DLGAP2: variants seen among roughly 807,000 people sequenced by gnomAD.
DLGAP2 encodes disks large-associated protein 2.
A neutral mutation model predicts 100.3 loss-of-function variants in DLGAP2; 26 were observed. That is an observed-to-expected ratio of 0.26 (90% CI 0.19 to 0.36). DLGAP2 has a LOEUF of 0.36. Among genes scored for constraint, DLGAP2 ranks in the 10% least tolerant of loss-of-function variants. DLGAP2 has a pLI of 1.00. For synonymous variants in DLGAP2, 886 were observed against 630.1 expected, an observed-to-expected ratio of 1.41 and a Z score of -6.08; for missense variants, 1,858 against 1,453.2, an observed-to-expected ratio of 1.28 and a Z score of -4.53.
chr8:1,566,378 A>G (rs1256337194), intron 6 of DLGAP2, among the ~76,000 whole-genome samples: 1 of 152,236 alleles, frequency 6.6e-6, no homozygotes, highest in African/African-American at 2.4e-5. Flanking sequence ...TACACTTTAC[A>G]TATTTGCCCA....
intron 3 of DLGAP2, among the ~76,000 whole-genome samples, chr8:1,271,214 C>G (rs919765134): frequency 3.3e-5 from 5 of 152,186 alleles, no homozygotes; most frequent in Admixed American, 6.5e-5. Context: ...AGATTAGTGC[C>G]AAACAGGCCT....
chr8:772,490 T>A (rs1045699124), intron 1 of DLGAP2, among the ~76,000 whole-genome samples: 1 of 151,830 alleles, frequency 6.6e-6, no homozygotes, highest in African/African-American at 2.4e-5. Flanking sequence ...GTCTGGCTAA[T>A]TTTTGTATTT....
chr8:1,210,997 C>A (rs1798092514), intron 2 of DLGAP2, among the ~76,000 whole-genome samples: 1 of 152,238 alleles, frequency 6.6e-6, no homozygotes, highest in Non-Finnish European at 1.5e-5. Flanking sequence ...CTGCGGCTGT[C>A]TTTAAAGGAC....
intron 2 of DLGAP2, among the ~76,000 whole-genome samples, chr8:1,057,214 A>T (rs2600518): frequency 0.42 from 64,057 of 152,144 alleles, 13,961 homozygotes; most frequent in African/African-American, 0.52. Flanking sequence ...TACTACACGT[A>T]GAAGTTAGCT....
rs573589262 is a variant in DLGAP2, at chr8:1,601,535, C to A, written c.1443-25205C>A. Among the ~76,000 whole-genome samples, 14 of 152,348 alleles carry A rather than the reference C, an allele frequency of 9.2e-5. No homozygotes were observed. In the East Asian group the frequency reaches 2.3e-3, roughly 25 times the overall value. On this transcript the variant is annotated intron_variant, in intron 6 of 14. Transcript: ENST00000637795. Reference sequence around the variant, plus strand: ...TGGGAGTTTTATCTATAAGCCCTGACTGGGGCTGCTGCCTTTCTTTCAGAG... The same window carrying A: ...TGGGAGTTTTATCTATAAGCCCTGAATGGGGCTGCTGCCTTTCTTTCAGAG...
chr8:1,079,991 C>T (rs1170688609), intron 2 of DLGAP2, among the ~76,000 whole-genome samples: 3 of 152,178 alleles, frequency 2.0e-5, no homozygotes, highest in Non-Finnish European at 2.9e-5. Context: ...TGTTATTCTG[C>T]TTCTAGAGAT....
At chr8:967,999 C>A (rs1357015730) in intron 2 of DLGAP2, among the ~76,000 whole-genome samples, 1 of 150,706 alleles carries the variant, frequency 6.6e-6, no homozygotes, top group Non-Finnish European at 1.5e-5. Flanking sequence ...TCTCCTGATA[C>A]ACAAATGCAC....
chr8:1,465,096 A>C (rs1798587419), intron 3 of DLGAP2, among the ~76,000 whole-genome samples: 1 of 152,120 alleles, frequency 6.6e-6, no homozygotes. Context: ...CAGCACATTC[A>C]CCTGGCGGGA....
At chr8:886,855 G>A (rs188846859) in intron 1 of DLGAP2, among the ~76,000 whole-genome samples, 22 of 152,350 alleles carry the variant, frequency 1.4e-4, no homozygotes, top group Non-Finnish European at 2.4e-4. Context: ...TTGATTGGGG[G>A]TAGAGAGTTC....
intron 2 of DLGAP2, among the ~76,000 whole-genome samples, chr8:1,199,626 T>C (rs1442942788): frequency 1.3e-5 from 2 of 152,098 alleles, no homozygotes; most frequent in Non-Finnish European, 2.9e-5. Context: ...GCCAGCCAGA[T>C]GGGCGCTAGA....
At chr8:1,029,882 C>G (rs1247341676) in intron 2 of DLGAP2, among the ~76,000 whole-genome samples, 1 of 152,080 alleles carries the variant, frequency 6.6e-6, no homozygotes, top group Non-Finnish European at 1.5e-5. Flanking sequence ...TCAATCTTGA[C>G]AGAAAGACTC....
At chr8:1,158,074 C>T (rs1796824883) in intron 2 of DLGAP2, among the ~76,000 whole-genome samples, 1 of 152,202 alleles carries the variant, frequency 6.6e-6, no homozygotes, top group Non-Finnish European at 1.5e-5. Context: ...GCACAGCTGC[C>T]CCTTGCAGGT....
At chr8:1,325,665 G>A (rs752469183) in intron 3 of DLGAP2, among the ~76,000 whole-genome samples, 2 of 152,216 alleles carry the variant, frequency 1.3e-5, no homozygotes, top group Non-Finnish European at 2.9e-5. Context: ...AGCAGTGATT[G>A]GCGGGGTTCT....
intron 2 of DLGAP2, among the ~76,000 whole-genome samples, chr8:1,027,172 A>C (rs1801823964): frequency 2.0e-5 from 3 of 152,270 alleles, no homozygotes; most frequent in Admixed American, 1.3e-4. Flanking sequence ...GAAGTTCATT[A>C]TATTTCACAG....
chr8:859,356 T>C (rs1020155348), intron 1 of DLGAP2, among the ~76,000 whole-genome samples: 1 of 152,174 alleles, frequency 6.6e-6, no homozygotes, highest in Non-Finnish European at 1.5e-5. Context: ...AGCTGATCCA[T>C]CTGCCTTGGC....
intron 1 of DLGAP2, among the ~76,000 whole-genome samples, chr8:780,555 C>T (rs1380095070): frequency 2.0e-5 from 3 of 152,170 alleles, no homozygotes; most frequent in Admixed American, 1.3e-4. Flanking sequence ...GCACAGTTTT[C>T]CACAGCATTT....
At chr8:1,280,990 C>T (rs558385018) in intron 3 of DLGAP2, among the ~76,000 whole-genome samples, 4 of 152,330 alleles carry the variant, frequency 2.6e-5, no homozygotes, top group South Asian at 2.1e-4. Context: ...GGAATCCTTA[C>T]GATAGCTCCA....
chr8:1,334,970 G>A (rs555427489), intron 3 of DLGAP2, among the ~76,000 whole-genome samples: 104 of 152,294 alleles, frequency 6.8e-4, no homozygotes, highest in Middle Eastern at 3.4e-3. Context: ...CCCAGCCCTC[G>A]CAGGCACTTC....
At chr8:1,358,688 G>A (rs1801909805) in intron 3 of DLGAP2, among the ~76,000 whole-genome samples, 1 of 152,156 alleles carries the variant, frequency 6.6e-6, no homozygotes, top group South Asian at 2.1e-4. Flanking sequence ...GTGTCTTTAG[G>A]AGAAACGTGT....
Sources: gnomAD v4.1 joint callset for allele counts (sites outside exome capture counted in the v4.1 genomes callset) on GRCh38, gnomAD v4.1.1 for gene constraint, MANE v1.5 for transcripts, NCBI Gene and HGNC (gene_info 2026-07-23, HGNC 2026-07-21) for gene names.